TNKS2: variants seen among roughly 807,000 people sequenced by gnomAD.
TNKS2 encodes the protein tankyrase 2, also known as poly [ADP-ribose] polymerase tankyrase-2.
A neutral mutation model predicts 137.6 loss-of-function variants in TNKS2; 72 were observed. The observed-to-expected ratio is 0.52, with a 90% confidence interval of 0.43 to 0.64. The LOEUF (loss-of-function observed/expected upper bound fraction) is 0.64. TNKS2 is among the 30% of genes least tolerant of loss of function. The pLI is 0.00. For synonymous variants in TNKS2, 516 were observed against 512.1 expected (o/e 1.01, Z -0.10); for missense variants, 1,049 against 1,410.2 (o/e 0.74, Z 4.10).
intron 18 of TNKS2, among the ~76,000 whole-genome samples, chr10:91,846,956 G>T (rs527980076): frequency 6.6e-6 from 1 of 152,168 alleles, no homozygotes; most frequent in East Asian, 1.9e-4. Flanking sequence ...CCAGCTGCAC[G>T]ATTTAAGTTG....
At chr10:91,859,351 T>G (rs1842794290) in intron 24 of TNKS2, 111 bp from the exon 25 acceptor site, 1 of 883,708 alleles carries the variant, frequency 1.1e-6, no homozygotes, top group Non-Finnish European at 1.6e-6. Context: ...CGTTTTGGCT[T>G]TATTATGGTT....
intron 20 of TNKS2, among the ~76,000 whole-genome samples, chr10:91,849,958 C>T (rs1357503503): frequency 6.6e-6 from 1 of 152,182 alleles, no homozygotes; most frequent in East Asian, 1.9e-4. Flanking sequence ...TCTAAGCAGT[C>T]TCAGTTTAAA....
intron 3 of TNKS2, among the ~76,000 whole-genome samples, chr10:91,818,698 A>G (rs1443674488): frequency 6.6e-6 from 1 of 152,030 alleles, no homozygotes. Flanking sequence ...ACACCCAGCC[A>G]ATTTTTGTAT....
At chr10:91,841,681 C>T (rs1226475510) in intron 15 of TNKS2, among the ~76,000 whole-genome samples, 1 of 151,926 alleles carries the variant, frequency 6.6e-6, no homozygotes, top group African/African-American at 2.4e-5. Flanking sequence ...TGATAGTTCT[C>T]TTATTATTTT....
intron 23 of TNKS2, among the ~76,000 whole-genome samples, chr10:91,856,160 A>T (rs1326597378): frequency 6.6e-6 from 1 of 152,184 alleles, no homozygotes; most frequent in African/African-American, 2.4e-5. Context: ...AATATATTTT[A>T]AAAATGTTTT....
intron 2 of TNKS2, among the ~76,000 whole-genome samples, chr10:91,814,745 G>T (rs1844623704): frequency 6.6e-6 from 1 of 152,168 alleles, no homozygotes; most frequent in African/African-American, 2.4e-5. Context: ...GGAGGAGTAG[G>T]CTATACCATG....
At chr10:91,858,246 G>A (rs1019079270) in intron 24 of TNKS2, among the ~76,000 whole-genome samples, 1 of 152,072 alleles carries the variant, frequency 6.6e-6, no homozygotes, top group African/African-American at 2.4e-5. Flanking sequence ...AATACCCTGG[G>A]AGAATGGCTG....
In TNKS2 at chr10:91,833,971, A is replaced by G. The variant is rs772590627; in HGVS notation, c.1394A>G (p.Gln465Arg). 17 of 1,612,936 alleles carry G rather than the reference A, an allele frequency of 1.1e-5. No individual in the cohort carries two copies. The South Asian group carries it at 1.9e-4, about 18-fold the overall frequency. The part of the protein sequence containing the change: ...YGCDPNIISL[Q>R]GFTALQMGNE... ...TGTGATCCTAACATTATATCCCTTC[A>G]GGGCTTTACTGCTTTACAGATGGGA... is the stretch of plus-strand genomic sequence containing the variant. The change falls in exon 12 of 27, where the codon CAG becomes CGG. Residue 465 changes from glutamine (Q) to arginine (R), a missense_variant. Gln to Arg is a conservative substitution (Grantham distance 43, BLOSUM62 1). Transcript: ENST00000371627.
At position 91,827,894 on chromosome 10, in the gene TNKS2, C is replaced by T. The variant is rs1418549585; in HGVS notation, c.983-391C>T. On this transcript the variant is annotated intron_variant, in intron 8 of 26. Coordinates refer to ENST00000371627, the MANE Select transcript of TNKS2 (RefSeq NM_025235.4). ...GTTTGAGCAAAGCTGTCTGCTATAG[C>T]CATGATGTCAGTGTAGAGATCACTA... 2.0e-5 allele frequency among the ~76,000 whole-genome samples: 3 copies of T among 152,120 alleles called. No individual in the cohort carries two copies. The East Asian group carries it at 5.8e-4, about 29-fold the overall frequency.
In TNKS2 at chr10:91,798,583, C is replaced by G; in HGVS notation, c.-108C>G. ...GGTGACAGCAGGGAGCCAAGCGGCC[C>G]GGGCCCTGAGCGCGTCTTCTCCGGG... On this transcript the variant is annotated 5_prime_UTR_variant, in exon 1 of 27. Coordinates refer to ENST00000371627, the MANE Select transcript of TNKS2 (RefSeq NM_025235.4). 1.7e-6 allele frequency: 2 copies of G among 1,170,790 alleles called. No homozygotes were observed. Among genetic ancestry groups the G allele is most frequent in the Non-Finnish European group, 1.1e-6 (1 of 941,974 alleles). 72.5% of individuals were successfully genotyped at this position (1,170,790 alleles called of 1,614,324 possible).
chr10:91,825,359 T>C (rs1039293831), intron 7 of TNKS2, among the ~76,000 whole-genome samples: 1 of 152,156 alleles, frequency 6.6e-6, no homozygotes, highest in African/African-American at 2.4e-5. Context: ...CACCTCAGCC[T>C]CCCAAAGTGC....
chr10:91,860,725 G>C (rs936816339), intron 25 of TNKS2, among the ~76,000 whole-genome samples: 11 of 152,126 alleles, frequency 7.2e-5, no homozygotes, highest in African/African-American at 2.7e-4. Context: ...AGGGAAACAG[G>C]TTCTTTCTTT....
intron 21 of TNKS2, 117 bp downstream of exon 21, chr10:91,851,453 A>C: frequency 1.7e-6 from 2 of 1,205,552 alleles, no homozygotes; most frequent in South Asian, 2.9e-5. Flanking sequence ...AAGAATACTA[A>C]TTTAGGATTC....
chr10:91,857,669 A>T (rs768899803), intron 24 of TNKS2, 139 bp downstream of exon 24: 8 of 436,952 alleles, frequency 1.8e-5, no homozygotes, highest in Non-Finnish European at 2.8e-5. Flanking sequence ...TAACTTTCAC[A>T]TTTATATTTT....
intron 9 of TNKS2, 123 bp downstream of exon 9, chr10:91,828,529 G>A: frequency 9.5e-7 from 1 of 1,047,686 alleles, no homozygotes; most frequent in Non-Finnish European, 1.3e-6. Flanking sequence ...TACTGCCTAT[G>A]CAAATATTTT....
At chr10:91,837,883 C>T (rs781392044) in intron 13 of TNKS2, among the ~76,000 whole-genome samples, 5 of 152,052 alleles carry the variant, frequency 3.3e-5, no homozygotes, top group Non-Finnish European at 7.4e-5. Flanking sequence ...TCATTATTCT[C>T]ATTCCCTTAA....
intron 7 of TNKS2, among the ~76,000 whole-genome samples, chr10:91,826,211 G>A (rs1589663777): frequency 6.6e-6 from 1 of 152,052 alleles, no homozygotes; most frequent in African/African-American, 2.4e-5. Flanking sequence ...TAATAATTTT[G>A]TGCACGAATT....
intron 3 of TNKS2, 114 bp downstream of exon 3, chr10:91,817,343 T>G (rs1414207809): frequency 3.4e-6 from 2 of 591,494 alleles, no homozygotes; most frequent in African/African-American, 3.8e-5. Context: ...ATAGTGTCAG[T>G]TCAGTAGCTA....
intron 1 of TNKS2, among the ~76,000 whole-genome samples, chr10:91,806,326 T>C (rs1445857386): frequency 6.6e-6 from 1 of 152,172 alleles, no homozygotes; most frequent in East Asian, 1.9e-4. Flanking sequence ...AACACCTTGG[T>C]TAATTAAAGA....
Sources: allele counts gnomAD v4.1 joint callset (sites outside exome capture counted in the v4.1 genomes callset), GRCh38; gene constraint gnomAD v4.1.1; transcripts MANE v1.5; gene names NCBI Gene and HGNC (gene_info 2026-07-23, HGNC 2026-07-21).